Variants in FGD5 observed in about 807,000 individuals in gnomAD.
FGD5 encodes the protein FYVE, RhoGEF and PH domain-containing protein 5.
A neutral mutation model predicts 133.4 loss-of-function variants in FGD5; 28 were observed. The observed-to-expected ratio is 0.21, with a 90% CI of 0.16 to 0.29. FGD5 has a LOEUF of 0.29. Among genes scored for constraint, FGD5 ranks in the 10% least tolerant of loss-of-function variants. The pLI is 1.00. For synonymous variants in FGD5, 810 were observed against 776.5 expected, an observed-to-expected ratio of 1.04 and a Z score of -0.72; for missense variants, 1,858 against 1,895.2, an observed-to-expected ratio of 0.98 and a Z score of 0.36.
At chr3:14,877,708 C>T (rs964735807) in intron 2 of FGD5, among the ~76,000 whole-genome samples, 18 of 152,286 alleles carry the variant, frequency 1.2e-4, no homozygotes, top group Middle Eastern at 6.8e-3. Flanking sequence ...GAGGGGCAAG[C>T]CCAGGCTGCT....
intron 4 of FGD5, among the ~76,000 whole-genome samples, chr3:14,896,531 C>T (rs1447519995): frequency 2.0e-5 from 3 of 151,758 alleles, no homozygotes; most frequent in Non-Finnish European, 2.9e-5. Flanking sequence ...AGTGCAATGG[C>T]GCGATCTCGG....
intron 10 of FGD5, among the ~76,000 whole-genome samples, chr3:14,909,341 C>T (rs756412554): frequency 1.8e-4 from 28 of 152,146 alleles, no homozygotes; most frequent in Non-Finnish European, 3.1e-4. Context: ...ATAGGCACTA[C>T]GAACATATAT....
chr3:14,930,613 A>T (rs1559510871), intron 18 of FGD5: 4 of 152,150 alleles, frequency 2.6e-5, no homozygotes. Flanking sequence ...AAGAAAAAAA[A>T]TTGTTTTGGG....
chr3:14,901,254 C>T (rs1036445177), intron 9 of FGD5, among the ~76,000 whole-genome samples, 193 bp downstream of exon 9: 2 of 152,212 alleles, frequency 1.3e-5, no homozygotes, highest in Non-Finnish European at 2.9e-5. Context: ...CCCCTCTCTG[C>T]GCCTCCAGTT....
At chr3:14,924,217 C>A in intron 17 of FGD5, 79 bp downstream of exon 17, 2 of 1,602,696 alleles carry the variant, frequency 1.2e-6, no homozygotes, top group African/African-American at 1.3e-5. Context: ...CGGAGTCAGA[C>A]CCTGCCCTGT....
At chr3:14,865,307 T>C (rs891808952) in intron 2 of FGD5, among the ~76,000 whole-genome samples, 2 of 152,214 alleles carry the variant, frequency 1.3e-5, no homozygotes, top group South Asian at 2.1e-4. Flanking sequence ...CCATTGCAAG[T>C]GAATGCACTC....
At chr3:14,868,766 T>C (rs2037548136) in intron 2 of FGD5, among the ~76,000 whole-genome samples, 1 of 152,166 alleles carries the variant, frequency 6.6e-6, no homozygotes, top group Non-Finnish European at 1.5e-5. Flanking sequence ...TCCCAGTCCC[T>C]CCTCTTCTTC....
intron 2 of FGD5, among the ~76,000 whole-genome samples, chr3:14,876,797 G>C (rs922409389): frequency 6.6e-6 from 1 of 152,160 alleles, no homozygotes; most frequent in Non-Finnish European, 1.5e-5. Context: ...TGATGTCCTC[G>C]AAGGAGGCTG....
At chr3:14,901,370 C>T (rs2038236466) in intron 9 of FGD5, among the ~76,000 whole-genome samples, 1 of 152,242 alleles carries the variant, frequency 6.6e-6, no homozygotes, top group Admixed American at 6.5e-5. Flanking sequence ...ACGTTGGATC[C>T]TCCCAGTCAG....
intron 1 of FGD5, among the ~76,000 whole-genome samples, chr3:14,836,375 A>T (rs1400205295): frequency 6.6e-6 from 1 of 152,206 alleles, no homozygotes; most frequent in Non-Finnish European, 1.5e-5. Flanking sequence ...AGAGCTGCAG[A>T]GTGAGTCAAT....
intron 9 of FGD5, among the ~76,000 whole-genome samples, chr3:14,905,608 C>G (rs1239074946): frequency 6.6e-6 from 1 of 152,056 alleles, no homozygotes; most frequent in Non-Finnish European, 1.5e-5. Flanking sequence ...TTTTTACTTT[C>G]AAAATTTCCA....
At chr3:14,818,957 T>G (rs2036425580), upstream of FGD5, 2 of 1,444,888 alleles carry the variant, frequency 1.4e-6, no homozygotes, top group South Asian at 1.5e-5. Context: ...GTCATCTAGA[T>G]TCACCAAAAC....
chr3:14,867,974 A>G (rs1418073624), intron 2 of FGD5, among the ~76,000 whole-genome samples: 1 of 152,136 alleles, frequency 6.6e-6, no homozygotes, highest in South Asian at 2.1e-4. Context: ...GGAGCAGCCA[A>G]GTCATGATAG....
At chr3:14,900,558 C>T in intron 8 of FGD5, 105 bp downstream of exon 8, 1 of 1,331,518 alleles carries the variant, frequency 7.5e-7, no homozygotes. Flanking sequence ...ATAGTCCCCT[C>T]CCCACCAGCT....
rs1203838703 is a variant in FGD5 at position 14,821,043 on chromosome 3, G to A, written c.1972G>A (p.Ala658Thr). 2.5e-6 allele frequency: 4 copies of A among 1,613,776 alleles called. No individual in the cohort carries two copies. In the African/African-American group the frequency reaches 4.0e-5, roughly 16 times the overall value. The change falls in exon 1 of 20, where the codon GCA becomes ACA. Residue 658 changes from alanine to threonine, a missense_variant. By Grantham distance (58) the Ala-to-Thr change is moderately conservative. Coordinates refer to ENST00000285046, the MANE Select transcript of FGD5 (RefSeq NM_152536.4). ...GAAGTCATCCTTTAAGCGCTTCCTG[G>A]CACTGACGTTTAAGAAGAAGACGGA... is the stretch of plus-strand genomic sequence containing the variant. ...KKKSSFKRFLALTFKKKTENK... is the reference protein window; with the variant it reads ...KKKSSFKRFLTLTFKKKTENK...
At chr3:14,905,071 T>C (rs2038313543) in intron 9 of FGD5, among the ~76,000 whole-genome samples, 1 of 152,210 alleles carries the variant, frequency 6.6e-6, no homozygotes, top group South Asian at 2.1e-4. Context: ...CTGTAAATTC[T>C]CACTCCAACA....
chr3:14,852,561 G>A (rs2037185044), intron 1 of FGD5, among the ~76,000 whole-genome samples: 1 of 152,086 alleles, frequency 6.6e-6, no homozygotes, highest in Non-Finnish European at 1.5e-5. Flanking sequence ...TTTTAAAGGG[G>A]CATATTTCAT....
At position 14,922,113 on chromosome 3, in the gene FGD5, G is replaced by A. The variant is rs765570582; in HGVS notation, c.3669+96G>A. On this transcript the variant is annotated intron_variant, in intron 14 of 19. Transcript: ENST00000285046. This position sits in a 1 kb window ranked among gnomAD's most constrained non-coding sequence, Gnocchi z 4.1. The stretch of plus-strand genomic sequence containing the variant: ...TTGCCACTCACACCCAGATGGACGT[G>A]TAGCTCCTGTCTTGGGGCACTGGCT... The A allele has an allele frequency of 3.8e-6, 5 of 1,300,828 alleles. No homozygotes were observed. The highest frequency in any genetic ancestry group is 5.4e-6 in the Non-Finnish European group (5 of 927,700). 80.6% of individuals were successfully genotyped at this position (1,300,828 alleles called of 1,614,324 possible). A position where few individuals can be genotyped will look rare whatever the true frequency, so the allele number is the denominator to read the frequency against.
At chr3:14,828,401 C>T (rs866159321) in intron 1 of FGD5, among the ~76,000 whole-genome samples, 2 of 152,212 alleles carry the variant, frequency 1.3e-5, no homozygotes, top group Non-Finnish European at 1.5e-5. Context: ...TGTCTTCCTT[C>T]ATTCAGAAGG....
Sources: allele counts gnomAD v4.1 joint callset (sites outside exome capture counted in the v4.1 genomes callset), GRCh38; gene constraint gnomAD v4.1.1; non-coding constraint Gnocchi (gnomAD v3.1); transcripts MANE v1.5; gene names NCBI Gene and HGNC (gene_info 2026-07-23, HGNC 2026-07-21).